TBC1D22A: variants seen among roughly 807,000 people sequenced by gnomAD.
TBC1D22A encodes TBC1 domain family member 22A, also known as putative GTPase activator.
Under a neutral mutation model 60.2 loss-of-function variants are expected in TBC1D22A, and 38 were observed. The ratio of observed to expected loss-of-function variants is 0.63; its 90% CI spans 0.49 to 0.83. TBC1D22A has a LOEUF of 0.83. Among genes scored for constraint, TBC1D22A ranks in the 40% least tolerant of loss-of-function variants. The pLI, the probability that TBC1D22A is intolerant of heterozygous loss-of-function variation, is 0.00. For synonymous variants in TBC1D22A, 302 were observed against 281.7 expected (o/e 1.07, Z -0.72); for missense variants, 628 against 701.0 (o/e 0.90, Z 1.18).
intron 11 of TBC1D22A, among the ~76,000 whole-genome samples, chr22:47,072,355 C>A (rs1036843278): frequency 2.0e-5 from 3 of 152,224 alleles, no homozygotes; most frequent in Admixed American, 6.5e-5. Context: ...CAGCACCAAG[C>A]AATTGTGTGA....
intron 12 of TBC1D22A, among the ~76,000 whole-genome samples, chr22:47,170,609 G>A (rs1000707123): frequency 8.6e-5 from 13 of 151,110 alleles, no homozygotes; most frequent in African/African-American, 2.7e-4. Flanking sequence ...AGACGGTCCT[G>A]GTGTGTAACC....
chr22:46,876,079 G>A (rs866060903), intron 4 of TBC1D22A, among the ~76,000 whole-genome samples: 2 of 152,184 alleles, frequency 1.3e-5, no homozygotes, highest in Non-Finnish European at 1.5e-5. Flanking sequence ...TTGACAAATC[G>A]GAGATTAAAG....
chr22:47,040,013 C>T (rs1296524424), intron 11 of TBC1D22A, among the ~76,000 whole-genome samples: 4 of 139,368 alleles, frequency 2.9e-5, no homozygotes, highest in South Asian at 2.4e-4. Flanking sequence ...GGTGCGATCT[C>T]GGCCCACTGC....
chr22:47,011,666 G>A (rs192025409), intron 10 of TBC1D22A, among the ~76,000 whole-genome samples: 87 of 152,336 alleles, frequency 5.7e-4, no homozygotes, highest in Non-Finnish European at 1.0e-3. Context: ...TAAAGAGGAT[G>A]TTTGGAGTGG....
chr22:46,903,116 C>G (rs956767311), intron 7 of TBC1D22A, among the ~76,000 whole-genome samples: 1 of 152,216 alleles, frequency 6.6e-6, no homozygotes, highest in Non-Finnish European at 1.5e-5. Context: ...CACCTGGAGT[C>G]TCTGTGGATC....
chr22:46,929,224 GC>G (rs2071215561), intron 8 of TBC1D22A, among the ~76,000 whole-genome samples: 1 of 152,192 alleles, frequency 6.6e-6, no homozygotes, highest in African/African-American at 2.4e-5. Context: ...TGTTGATAAT[GC>G]ATGTGGTGGC....
intron 11 of TBC1D22A, among the ~76,000 whole-genome samples, chr22:47,058,760 G>A (rs2063477692): frequency 6.6e-6 from 1 of 152,110 alleles, no homozygotes. Flanking sequence ...TGGTCCGTAG[G>A]TCCCAGCGCT....
At chr22:46,769,560 T>A (rs988620200) in intron 1 of TBC1D22A, among the ~76,000 whole-genome samples, 5 of 152,088 alleles carry the variant, frequency 3.3e-5, no homozygotes, top group African/African-American at 1.2e-4. Context: ...CGCCGAGACC[T>A]GGCTGTACAG....
At chr22:46,945,429 C>G (rs2072475305) in intron 8 of TBC1D22A, among the ~76,000 whole-genome samples, 1 of 152,170 alleles carries the variant, frequency 6.6e-6, no homozygotes, top group Non-Finnish European at 1.5e-5. Flanking sequence ...GTTATTATGT[C>G]TTACTAATTC....
chr22:47,151,453 A>G (rs1441950296), intron 12 of TBC1D22A, among the ~76,000 whole-genome samples: 1 of 152,270 alleles, frequency 6.6e-6, no homozygotes, highest in African/African-American at 2.4e-5. Flanking sequence ...ATTACAAGGA[A>G]AAAGATCATT....
chr22:46,807,567 G>A (rs2085202425), intron 4 of TBC1D22A, among the ~76,000 whole-genome samples: 1 of 152,200 alleles, frequency 6.6e-6, no homozygotes, highest in Non-Finnish European at 1.5e-5. Flanking sequence ...GCAGTGACCA[G>A]TGTTTATCCA....
chr22:46,853,208 C>T (rs1027291298), intron 4 of TBC1D22A, among the ~76,000 whole-genome samples: 12 of 152,178 alleles, frequency 7.9e-5, no homozygotes, highest in African/African-American at 2.7e-4. Context: ...TGCCTCCCCT[C>T]GTCCATCCTT....
intron 12 of TBC1D22A, chr22:47,116,659 GATGGGCTGC>G (rs2066069834): frequency 6.6e-6 from 1 of 152,476 alleles, no homozygotes; most frequent in South Asian, 2.1e-4. Context: ...CCAGCTGCTG[GATGGGCTGC>G]ATGGGAAGGA....
At chr22:46,911,479 G>T (rs892112540) in intron 7 of TBC1D22A, among the ~76,000 whole-genome samples, 1 of 152,180 alleles carries the variant, frequency 6.6e-6, no homozygotes, top group Non-Finnish European at 1.5e-5. Context: ...TAGGTCAGGT[G>T]CTGCTGCACG....
intron 8 of TBC1D22A, chr22:46,915,159 G>T (rs1220872842): frequency 2.9e-6 from 1 of 344,516 alleles, no homozygotes; most frequent in Non-Finnish European, 5.7e-6. Context: ...CCCAGCCACT[G>T]TGCTCAGGTT....
chr22:46,956,638 A>G (rs1034844609), intron 8 of TBC1D22A, among the ~76,000 whole-genome samples: 1 of 152,110 alleles, frequency 6.6e-6, no homozygotes, highest in Non-Finnish European at 1.5e-5. Context: ...CAAGCCCGAA[A>G]GTTGAGTGCG....
Position 46,899,392 on chromosome 22 carries a change from A to T in TBC1D22A, c.900+4546A>T, listed in dbSNP as rs112298266. 4.9e-3 allele frequency among the ~76,000 whole-genome samples: 741 copies of T among 152,004 alleles called. 8 individuals are homozygous for T. The highest frequency in any genetic ancestry group is 0.017 in the African/African-American group (700 of 41,416). On this transcript the variant is annotated intron_variant, in intron 7 of 12. Coordinates refer to ENST00000337137, the MANE Select transcript of TBC1D22A (RefSeq NM_014346.5). Reference sequence around the variant, plus strand: ...AACTCGGGAGGTGGAGGCTGCAGTGAGCCGAGGTGGCGCCACTGCACTCCA... The same window carrying T: ...AACTCGGGAGGTGGAGGCTGCAGTGTGCCGAGGTGGCGCCACTGCACTCCA...
intron 12 of TBC1D22A, among the ~76,000 whole-genome samples, chr22:47,152,021 A>G (rs914172658): frequency 6.6e-6 from 1 of 152,196 alleles, no homozygotes; most frequent in East Asian, 1.9e-4. Flanking sequence ...TGCTGGTGGC[A>G]GCCCGTGTGA....
intron 9 of TBC1D22A, among the ~76,000 whole-genome samples, chr22:46,995,513 T>TTGTG (rs560356769): frequency 0.013 from 2,011 of 151,196 alleles, 37 homozygotes; most frequent in African/African-American, 0.044. Flanking sequence ...TGCACGCACT[T>TTGTG]TGTGTGTGTG....
Sources: gnomAD v4.1 joint callset for allele counts (sites outside exome capture counted in the v4.1 genomes callset) on GRCh38, gnomAD v4.1.1 for gene constraint, MANE v1.5 for transcripts, NCBI Gene and HGNC (gene_info 2026-07-23, HGNC 2026-07-21) for gene names.